The following PRKCA variants were observed in gnomAD, a reference collection of about 807,000 sequenced individuals.
The protein encoded by PRKCA is protein kinase C alpha.
In PRKCA, 27 loss-of-function variants were observed where a neutral mutation model predicts 87.0. That is an observed-to-expected ratio of 0.31 (90% CI 0.23 to 0.43). PRKCA has a LOEUF of 0.43. PRKCA is among the 20% of genes least tolerant of loss of function. PRKCA has a pLI of 1.00. For synonymous variants in PRKCA, 329 were observed against 311.1 expected, an observed-to-expected ratio of 1.06 and a Z score of -0.61; for missense variants, 518 against 852.3, an observed-to-expected ratio of 0.61 and a Z score of 4.88.
chr17:66,566,479 G>GTTTTT lies in PRKCA; in HGVS notation c.288+70196_288+70197insTTTTT, dbSNP rs368602635. On this transcript the variant is annotated intron_variant, in intron 3 of 16. Transcript: ENST00000413366. ...TTGTGAAGAACTGTTGTTGTTTTTTGGTTTTTTTTTTTTTTTTTTTTTTGC... is the reference window on the plus strand; with the variant it reads ...TTGTGAAGAACTGTTGTTGTTTTTTGTTTTTGTTTTTTTTTTTTTTTTTTTTTTGC... 6.7e-4 allele frequency among the ~76,000 whole-genome samples: 50 copies of GTTTTT among 74,688 alleles called. 5 individuals are homozygous for GTTTTT. The highest frequency in any genetic ancestry group is 1.1e-3 in the South Asian group (2 of 1,810). The allele number at this position is 74,688 out of a possible 152,430, so 49.0% of individuals were successfully genotyped here.
At chr17:66,747,149 A>G (rs1346897192) in intron 13 of PRKCA, among the ~76,000 whole-genome samples, 1 of 152,190 alleles carries the variant, frequency 6.6e-6, no homozygotes, top group African/African-American at 2.4e-5. Flanking sequence ...AGCTCCATGC[A>G]GTCTCAATCT....
chr17:66,365,545 A>G (rs1436417131), intron 2 of PRKCA, among the ~76,000 whole-genome samples: 1 of 152,182 alleles, frequency 6.6e-6, no homozygotes, highest in Non-Finnish European at 1.5e-5. Context: ...CTCTGCCTTT[A>G]TCCTATAGTT....
intron 2 of PRKCA, among the ~76,000 whole-genome samples, chr17:66,409,446 T>G (rs968185621): frequency 6.6e-6 from 1 of 152,162 alleles, no homozygotes; most frequent in African/African-American, 2.4e-5. Flanking sequence ...ATGGAAAAAC[T>G]TAGGAAAGCC....
At chr17:66,742,553 T>G in intron 12 of PRKCA, 69 bp from the exon 13 acceptor site, 1 of 1,526,992 alleles carries the variant, frequency 6.5e-7, no homozygotes, top group Non-Finnish European at 9.0e-7. Context: ...ATCCTTCTAT[T>G]TCACCAGTTC....
chr17:66,569,124 AT>A, intron 3 of PRKCA, among the ~76,000 whole-genome samples: 1 of 152,358 alleles, frequency 6.6e-6, no homozygotes, highest in Admixed American at 6.5e-5. Flanking sequence ...GTACAAAATA[AT>A]TTTGTAAACA....
chr17:66,699,292 T>C (rs1973006677), intron 8 of PRKCA, among the ~76,000 whole-genome samples: 1 of 150,254 alleles, frequency 6.7e-6, no homozygotes, highest in Non-Finnish European at 1.5e-5. Flanking sequence ...AACCTTTAGC[T>C]AGACTAAGAA....
intron 2 of PRKCA, among the ~76,000 whole-genome samples, chr17:66,481,004 G>T (rs982438467): frequency 6.6e-6 from 1 of 152,028 alleles, no homozygotes; most frequent in Non-Finnish European, 1.5e-5. Flanking sequence ...TTACATAGGT[G>T]TTACCGCAGA....
chr17:66,322,681 C>G (rs1037081961), intron 2 of PRKCA, among the ~76,000 whole-genome samples: 26 of 134,282 alleles, frequency 1.9e-4, no homozygotes, highest in Admixed American at 3.1e-4. Flanking sequence ...GCTATGTTGT[C>G]CAGGTTGGCC....
At chr17:66,634,125 T>A (rs1024863303) in intron 3 of PRKCA, among the ~76,000 whole-genome samples, 1 of 152,226 alleles carries the variant, frequency 6.6e-6, no homozygotes, top group African/African-American at 2.4e-5. Flanking sequence ...GGAAGACTAA[T>A]TAAGTTGCTA....
chr17:66,786,117 C>T (rs909157723), intron 14 of PRKCA, among the ~76,000 whole-genome samples: 24 of 152,210 alleles, frequency 1.6e-4, no homozygotes, highest in African/African-American at 3.1e-4. Flanking sequence ...CGTGAGCCAC[C>T]GCGCCCGGCC....
At chr17:66,489,004 T>G (rs1482761916) in intron 2 of PRKCA, among the ~76,000 whole-genome samples, 1 of 152,138 alleles carries the variant, frequency 6.6e-6, no homozygotes, top group Non-Finnish European at 1.5e-5. Context: ...TTTCATTATA[T>G]TCTGCTGTGA....
chr17:66,428,841 G>A (rs1912953670), intron 2 of PRKCA, among the ~76,000 whole-genome samples: 1 of 152,118 alleles, frequency 6.6e-6, no homozygotes, highest in South Asian at 2.1e-4. Context: ...CTCCTTGCCT[G>A]CTGCAGATAC....
chr17:66,523,007 A>G (rs1368550440), intron 3 of PRKCA, among the ~76,000 whole-genome samples: 1 of 152,088 alleles, frequency 6.6e-6, no homozygotes, highest in Non-Finnish European at 1.5e-5. Flanking sequence ...CCGGTTTCCA[A>G]CAGTATCCAG....
intron 3 of PRKCA, among the ~76,000 whole-genome samples, chr17:66,558,634 G>A (rs1567897237): frequency 6.6e-6 from 1 of 152,166 alleles, no homozygotes; most frequent in African/African-American, 2.4e-5. Flanking sequence ...TAGGCTAAGA[G>A]TGAGATCATC....
In PRKCA at chr17:66,377,627, T is replaced by TGTCTATATTATATATATA. The variant is rs1567797703; in HGVS notation, c.205+71500_205+71501insGTCTATATTATATATATA. Among the ~76,000 whole-genome samples the TGTCTATATTATATATATA allele has an allele frequency of 5.3e-4, 77 of 144,142 alleles. 1 individual carries two copies. Among genetic ancestry groups the TGTCTATATTATATATATA allele is most frequent in the Non-Finnish European group, 1.0e-3 (68 of 66,496 alleles). The allele number at this position is 144,142 out of a possible 152,430, so 94.6% of individuals were successfully genotyped here. A position where few individuals can be genotyped will look rare whatever the true frequency, so the allele number is the denominator to read the frequency against. Reference sequence around the variant, plus strand: ...ATATATATAATGTCTATATTATATATATGTCTATATTATATATATAATGTC... The same window carrying TGTCTATATTATATATATA: ...ATATATATAATGTCTATATTATATATGTCTATATTATATATATAATGTCTATATTATATATATAATGTC... On this transcript the variant is annotated intron_variant, in intron 2 of 16. Transcript: ENST00000413366.
intron 5 of PRKCA, among the ~76,000 whole-genome samples, chr17:66,650,357 G>GGT (rs1555631150): frequency 0.058 from 8,707 of 150,474 alleles, 303 homozygotes; most frequent in Admixed American, 0.08. Flanking sequence ...TGGTGTCGGG[G>GGT]TTTTTTTTTC....
At chr17:66,793,610 A>G (rs1045133061) in intron 16 of PRKCA, among the ~76,000 whole-genome samples, 1 of 151,362 alleles carries the variant, frequency 6.6e-6, no homozygotes, top group Non-Finnish European at 1.5e-5. Context: ...AAAAAAAAAA[A>G]AAAAAACCGG....
chr17:66,755,271 A>AGCGC (rs1974522090), intron 13 of PRKCA, among the ~76,000 whole-genome samples: 1 of 152,222 alleles, frequency 6.6e-6, no homozygotes, highest in African/African-American at 2.4e-5. Flanking sequence ...GACTTGGAGA[A>AGCGC]GCGCGGCATG....
At chr17:66,418,493 T>C (rs1231847965) in intron 2 of PRKCA, among the ~76,000 whole-genome samples, 1 of 151,700 alleles carries the variant, frequency 6.6e-6, no homozygotes, top group African/African-American at 2.4e-5. Context: ...TGGAGTGCAG[T>C]GGCGCGATCT....
Sources: allele counts gnomAD v4.1 joint callset (sites outside exome capture counted in the v4.1 genomes callset), GRCh38; gene constraint gnomAD v4.1.1; transcripts MANE v1.5; gene names NCBI Gene and HGNC (gene_info 2026-07-23, HGNC 2026-07-21).